Variants in NR6A1 observed in about 807,000 individuals in gnomAD.
NR6A1 encodes the protein nuclear receptor subfamily 6 group A member 1, also known as retinoic acid receptor-related testis-associated receptor.
Under a neutral mutation model 59.1 loss-of-function variants are expected in NR6A1, and 7 were observed. The observed-to-expected ratio is 0.12, with a 90% CI of 0.07 to 0.22. The LOEUF (loss-of-function observed/expected upper bound fraction) is 0.22, where lower values mean the gene tolerates loss of function less well. Ranked by LOEUF, NR6A1 falls within the 10% of genes least tolerant of loss-of-function variation. The pLI, the probability that NR6A1 is intolerant of heterozygous loss-of-function variation, is 1.00. For missense variants in NR6A1, 468 were observed against 611.6 expected (o/e 0.77, Z 2.48); for synonymous variants, 243 against 236.1 (o/e 1.03, Z -0.27).
At chr9:124,665,873 AAC>A (rs1272694914) in intron 2 of NR6A1, among the ~76,000 whole-genome samples, 1 of 152,212 alleles carries the variant, frequency 6.6e-6, no homozygotes, top group Admixed American at 6.5e-5. Context: ...TCTAAATATT[AAC>A]CCCTCTTCCA....
intron 3 of NR6A1, among the ~76,000 whole-genome samples, chr9:124,545,230 A>G (rs139841893): frequency 1.3e-5 from 2 of 152,352 alleles, no homozygotes; most frequent in African/African-American, 4.8e-5. Flanking sequence ...AAGAGAAAAT[A>G]CTGGTACTTG....
chr9:124,614,970 C>T (rs1412651365), intron 2 of NR6A1, among the ~76,000 whole-genome samples: 1 of 152,128 alleles, frequency 6.6e-6, no homozygotes, highest in Non-Finnish European at 1.5e-5. Context: ...GATTCAAAGC[C>T]TGGTATTGCT....
At chr9:124,608,506 G>A (rs1372606967) in intron 2 of NR6A1, among the ~76,000 whole-genome samples, 2 of 152,150 alleles carry the variant, frequency 1.3e-5, no homozygotes, top group African/African-American at 4.8e-5. Context: ...GTATTCCATG[G>A]TGTATATATA....
Position 124,733,357 on chromosome 9 carries a change from G to A in NR6A1, c.101-8C>T. 1.2e-6 allele frequency: 2 copies of A among 1,609,706 alleles called. No homozygotes were observed. Among genetic ancestry groups the A allele is most frequent in the Non-Finnish European group, 1.7e-6 (2 of 1,176,488 alleles). Reference sequence around the variant, plus strand: ...ATTCATCCTGACAGAAACCTAAAGAGAAAACAATAGGAAAAAAAATTACAA... The same window carrying A: ...ATTCATCCTGACAGAAACCTAAAGAAAAAACAATAGGAAAAAAAATTACAA... On this transcript the variant is annotated splice_polypyrimidine_tract_variant and splice_region_variant and intron_variant, in intron 1 of 9. Transcript: ENST00000487099.
intron 1 of NR6A1, among the ~76,000 whole-genome samples, chr9:124,737,813 C>T (rs1202258138): frequency 6.6e-6 from 1 of 151,934 alleles, no homozygotes; most frequent in African/African-American, 2.4e-5. Context: ...TGTAGTGAGC[C>T]GAGATTATGC....
chr9:124,731,311 A>C (rs553219955), intron 2 of NR6A1, among the ~76,000 whole-genome samples: 17 of 151,178 alleles, frequency 1.1e-4, no homozygotes, highest in African/African-American at 3.6e-4. Context: ...CAGAGGTTGC[A>C]GTGAGCTGAC....
intron 2 of NR6A1, among the ~76,000 whole-genome samples, chr9:124,637,906 A>AAAAAAAG (rs1836660141): frequency 6.6e-6 from 1 of 150,550 alleles, no homozygotes; most frequent in African/African-American, 2.5e-5. Flanking sequence ...AAAAAAAAAA[A>AAAAAAAG]AAAAAAGAAA....
At chr9:124,657,292 C>A (rs994764275) in intron 2 of NR6A1, among the ~76,000 whole-genome samples, 1 of 151,964 alleles carries the variant, frequency 6.6e-6, no homozygotes, top group African/African-American at 2.4e-5. Context: ...ACATCCAAAC[C>A]CAAAATTTAC....
intron 2 of NR6A1, among the ~76,000 whole-genome samples, chr9:124,574,305 C>G (rs562632184): frequency 4.6e-5 from 7 of 152,258 alleles, no homozygotes; most frequent in Admixed American, 3.3e-4. Context: ...CCAGATGTCA[C>G]ACTTGCTAGA....
intron 2 of NR6A1, among the ~76,000 whole-genome samples, chr9:124,589,934 G>A (rs1385183786): frequency 2.0e-5 from 3 of 151,630 alleles, no homozygotes; most frequent in Middle Eastern, 6.8e-3. Context: ...GCGTGGTGGC[G>A]CATGCTTGCA....
At chr9:124,698,911 C>T (rs1184308649) in intron 2 of NR6A1, among the ~76,000 whole-genome samples, 1 of 152,156 alleles carries the variant, frequency 6.6e-6, no homozygotes. Flanking sequence ...AAACACACAA[C>T]CAATCAAAAT....
rs1839288812 is a variant in NR6A1 at position 124,711,835 on chromosome 9, C to T, written c.142+21473G>A. Among the ~76,000 whole-genome samples the T allele has an allele frequency of 2.0e-5, 3 of 152,292 alleles. No homozygotes were observed. In the South Asian group the frequency reaches 6.2e-4, roughly 32 times the overall value. The stretch of plus-strand genomic sequence containing the variant: ...AGATACAGAGTCTCACTATGCTGCC[C>T]AGGCTGGTCTTGAACTCTGCAGCTC... On this transcript the variant is annotated intron_variant, in intron 2 of 9. Transcript: ENST00000487099.
intron 2 of NR6A1, among the ~76,000 whole-genome samples, chr9:124,705,665 T>C (rs1209015443): frequency 4.6e-5 from 7 of 152,220 alleles, no homozygotes; most frequent in Non-Finnish European, 1.5e-5. Context: ...TTAATATAAC[T>C]ACTGATATAG....
chr9:124,718,164 CAT>C lies in NR6A1; in HGVS notation c.142+15142_142+15143del, dbSNP rs201464220. ...GAAGGCCAGGATGCTAACTTTCACT[CAT>C]GTTTTTTCCACTGTACCATGCACCC... is the stretch of plus-strand genomic sequence containing the variant. On this transcript the variant is annotated intron_variant, in intron 2 of 9. Transcript: ENST00000487099. 3.2e-4 allele frequency among the ~76,000 whole-genome samples: 48 copies of C among 152,334 alleles called. 1 individual carries two copies. In the East Asian group the frequency reaches 9.1e-3, roughly 29 times the overall value.
At chr9:124,595,638 CA>C (rs920990780) in intron 2 of NR6A1, 29 of 480,468 alleles carry the variant, frequency 6.0e-5, no homozygotes, top group Non-Finnish European at 9.0e-5. Flanking sequence ...TGCGAAGACA[CA>C]AAAAAAACAG....
chr9:124,698,092 T>C (rs1049930683), intron 2 of NR6A1, among the ~76,000 whole-genome samples: 2 of 152,200 alleles, frequency 1.3e-5, no homozygotes, highest in Non-Finnish European at 2.9e-5. Context: ...TTAACAACTG[T>C]GATCTCAAAG....
At chr9:124,764,411 G>A (rs1281700823) in intron 1 of NR6A1, among the ~76,000 whole-genome samples, 5 of 151,874 alleles carry the variant, frequency 3.3e-5, no homozygotes, top group Non-Finnish European at 7.4e-5. Flanking sequence ...CAGAAATTTG[G>A]GCATTACAAT....
At chr9:124,665,554 C>T (rs539654702) in intron 2 of NR6A1, among the ~76,000 whole-genome samples, 2 of 152,216 alleles carry the variant, frequency 1.3e-5, no homozygotes, top group African/African-American at 2.4e-5. Flanking sequence ...TGAAATAAAG[C>T]GAGTCTGGGT....
intron 3 of NR6A1, among the ~76,000 whole-genome samples, chr9:124,544,757 G>A (rs2131365839): frequency 6.6e-6 from 1 of 152,268 alleles, no homozygotes; most frequent in African/African-American, 2.4e-5. Context: ...AGATAAGGGT[G>A]GAAAGGCCAA....
Sources: gnomAD v4.1 joint callset for allele counts (sites outside exome capture counted in the v4.1 genomes callset) on GRCh38, gnomAD v4.1.1 for gene constraint, MANE v1.5 for transcripts, NCBI Gene and HGNC (gene_info 2026-07-23, HGNC 2026-07-21) for gene names.